BRD10: variants seen among roughly 807,000 people sequenced by gnomAD.
BRD10 encodes uncharacterized bromodomain-containing protein 10.
At chr9:5,985,268 A>G in the BRD10 span, among the ~76,000 whole-genome samples, 1 of 152,206 alleles carries the variant, frequency 6.6e-6, no homozygotes, top group African/African-American at 2.4e-5. Flanking sequence ...CAAAAGAATA[A>G]ACATAACCAG....
At chr9:5,919,999 T>A in the BRD10 span, 139 of 1,613,994 alleles carry the variant, frequency 8.6e-5, 1 homozygote, top group East Asian at 2.9e-3. Flanking sequence ...GTGATACTGT[T>A]GGTACAGGAG....
chr9:5,948,217 A>G, the BRD10 span, among the ~76,000 whole-genome samples: 1 of 152,166 alleles, frequency 6.6e-6, no homozygotes, highest in Non-Finnish European at 1.5e-5. Context: ...CAATTCATAT[A>G]AAAGGTAATT....
At chr9:5,980,802 T>C in the BRD10 span, among the ~76,000 whole-genome samples, 41 of 152,264 alleles carry the variant, frequency 2.7e-4, no homozygotes, top group Middle Eastern at 3.4e-3. Flanking sequence ...CATATTAAAA[T>C]ATATACTAAA....
At chr9:5,953,987 A>C in the BRD10 span, 1 of 1,420,334 alleles carries the variant, frequency 7.0e-7, no homozygotes, top group African/African-American at 1.4e-5. Flanking sequence ...AAAAATTGAA[A>C]AATTTCGAGA....
the BRD10 span, among the ~76,000 whole-genome samples, chr9:5,904,077 T>G: frequency 6.6e-6 from 1 of 152,074 alleles, no homozygotes; most frequent in Admixed American, 6.5e-5. Context: ...AGGCTGGTCT[T>G]GAACTCCTGA....
chr9:5,936,971 C>A, the BRD10 span, among the ~76,000 whole-genome samples: 2 of 152,158 alleles, frequency 1.3e-5, no homozygotes, highest in East Asian at 3.8e-4. Flanking sequence ...GGCAATCATG[C>A]CTGTAATCCC....
chr9:5,928,905 C>A, the BRD10 span: 1 of 540,112 alleles, frequency 1.9e-6, no homozygotes, highest in South Asian at 3.1e-5. Context: ...TAGAAAGAGC[C>A]TTGCACACAG....
At chr9:5,972,003 A>C in the BRD10 span, among the ~76,000 whole-genome samples, 1 of 152,208 alleles carries the variant, frequency 6.6e-6, no homozygotes, top group Non-Finnish European at 1.5e-5. Flanking sequence ...TGCCCAGAAA[A>C]ACATCACACT....
the BRD10 span, chr9:5,922,922 G>A: frequency 1.4e-5 from 23 of 1,614,006 alleles, no homozygotes; most frequent in Non-Finnish European, 1.7e-5. Context: ...TGTGGAAGGA[G>A]GCAGTTGATT....
At chr9:5,904,939 A>C in the BRD10 span, among the ~76,000 whole-genome samples, 3 of 151,864 alleles carry the variant, frequency 2.0e-5, no homozygotes, top group African/African-American at 7.3e-5. Flanking sequence ...ATGCCTGGCT[A>C]ATTTTTTGTA....
the BRD10 span, among the ~76,000 whole-genome samples, chr9:5,914,455 ACT>A: frequency 2.2e-4 from 23 of 106,748 alleles, no homozygotes; most frequent in Non-Finnish European, 3.2e-4. Context: ...ACGGAGTCTC[ACT>A]CTGTCACCCA....
At chr9:5,947,618 A>AAT in the BRD10 span, among the ~76,000 whole-genome samples, 1 of 152,054 alleles carries the variant, frequency 6.6e-6, no homozygotes, top group African/African-American at 2.4e-5. Flanking sequence ...ATGTATACCT[A>AAT]ATATATATAC....
At chr9:6,007,148 G>C in the BRD10 span, 1 of 1,565,006 alleles carries the variant, frequency 6.4e-7, no homozygotes, top group African/African-American at 1.4e-5. Flanking sequence ...GTGTGAGTGT[G>C]TGTTTGTGTC....
At chr9:5,937,394 G>A in the BRD10 span, among the ~76,000 whole-genome samples, 1 of 151,948 alleles carries the variant, frequency 6.6e-6, no homozygotes, top group African/African-American at 2.4e-5. Flanking sequence ...AATTAGCTGG[G>A]CGTGGTGGCA....
At chr9:6,008,101 C>T in the BRD10 span, 3 of 984,218 alleles carry the variant, frequency 3.0e-6, no homozygotes, top group African/African-American at 1.8e-5. Context: ...CGCCCGCCTG[C>T]TCTTCACCGG....
chr9:5,977,652 G>C, the BRD10 span, among the ~76,000 whole-genome samples: 1 of 152,084 alleles, frequency 6.6e-6, no homozygotes, highest in Admixed American at 6.6e-5. Context: ...TCGAGACCAC[G>C]GTGAAATCCC....
chr9:5,951,458 A>T, the BRD10 span, among the ~76,000 whole-genome samples: 1 of 152,178 alleles, frequency 6.6e-6, no homozygotes, highest in Non-Finnish European at 1.5e-5. Flanking sequence ...TATCTATCCA[A>T]AAACAGGTTC....
At chr9:5,920,455 G>A in the BRD10 span, 2 of 1,613,864 alleles carry the variant, frequency 1.2e-6, no homozygotes, top group Non-Finnish European at 1.7e-6. Context: ...GAATGGTAGT[G>A]CCACCTGGAG....
At chr9:5,908,912 A>T in the BRD10 span, 4 of 552,922 alleles carry the variant, frequency 7.2e-6, no homozygotes, top group Admixed American at 3.3e-5. Flanking sequence ...AAATTGGGAA[A>T]ACTCCATCAA....
Sources: gnomAD v4.1 joint callset for allele counts (sites outside exome capture counted in the v4.1 genomes callset) on GRCh38, gnomAD v4.1.1 for gene constraint, MANE v1.5 for transcripts, NCBI Gene and HGNC (gene_info 2026-07-23, HGNC 2026-07-21) for gene names.